The following BAG2 variants were observed in gnomAD, a reference collection of about 807,000 sequenced individuals.
BAG2 encodes BAG family molecular chaperone regulator 2.
A neutral mutation model predicts 16.4 loss-of-function variants in BAG2; 8 were observed. That is an observed-to-expected ratio of 0.49 (90% CI 0.29 to 0.88). The LOEUF is 0.88. Among genes scored for constraint, BAG2 ranks in the 40% least tolerant of loss-of-function variants. The pLI is 0.09. For synonymous variants in BAG2, 82 were observed against 89.2 expected, an observed-to-expected ratio of 0.92 and a Z score of 0.46; for missense variants, 218 against 248.9, an observed-to-expected ratio of 0.88 and a Z score of 0.84.
chr6:57,172,717 A>G lies in BAG2; in HGVS notation c.20A>G (p.Asn7Ser). The G allele has an allele frequency of 6.3e-7, 1 of 1,577,880 alleles. No individual in the cohort carries two copies. Among genetic ancestry groups the G allele is most frequent in the Non-Finnish European group, 8.6e-7 (1 of 1,164,910 alleles). MAQAKI[N>S]AKANEGRFCR... ...GCTTAGATGGCTCAGGCGAAGATCA[A>G]CGCTAAAGCCAACGAGGGGCGCTTC... The change falls in exon 1 of 3, where the codon AAC (asparagine) becomes AGC (serine). Residue 7 changes from asparagine to serine, a missense_variant. This residue lies in a region of BAG2 where 75 missense variants were observed against 63.1 expected (regional missense o/e 1.19). Transcript: ENST00000370693.
intron 2 of BAG2, among the ~76,000 whole-genome samples, chr6:57,182,786 G>C (rs960542380): frequency 6.6e-6 from 1 of 152,126 alleles, no homozygotes; most frequent in Non-Finnish European, 1.5e-5. Context: ...GAGTAGCTGG[G>C]ATTACAGGCA....
chr6:57,173,139 C>A, intron 1 of BAG2: 2 of 1,020,484 alleles, frequency 2.0e-6, no homozygotes, highest in Middle Eastern at 4.6e-4. Flanking sequence ...AGATTCCATG[C>A]GATTAAGGAC....
At position 57,186,859 on chromosome 6, in the gene BAG2, G is replaced by A. The variant is rs915934432; in HGVS notation, c.*2669G>A. 2 of 152,118 alleles carry A rather than the reference G, an allele frequency of 1.3e-5. No homozygotes were observed. Among genetic ancestry groups the A allele is most frequent in the African/African-American group, 4.8e-5 (2 of 41,406 alleles). The allele number at this position is 152,118 out of a possible 1,614,324, so 9.4% of individuals were successfully genotyped here. On this transcript the variant is annotated 3_prime_UTR_variant, in exon 3 of 3. Coordinates refer to ENST00000370693, the MANE Select transcript of BAG2 (RefSeq NM_004282.4). ...TTGTTAGCACTACTTTCAATAAAAT[G>A]AGAGTATTAAATATTGGCAGAGTAT...
At chr6:57,179,204 A>G (rs1764369481) in intron 1 of BAG2, among the ~76,000 whole-genome samples, 2 of 152,170 alleles carry the variant, frequency 1.3e-5, no homozygotes, top group South Asian at 4.1e-4. Flanking sequence ...TTGCTAATGT[A>G]AAATGTTTAA....
chr6:57,186,807 A>T lies in BAG2; in HGVS notation c.*2617A>T, dbSNP rs1176867909. ...TACCATTCCTAGCATATAATACATA[A>T]TTTTAGGGTAGCCCTCCTGCCATTC... is the stretch of plus-strand genomic sequence containing the variant. On this transcript the variant is annotated 3_prime_UTR_variant, in exon 3 of 3. Transcript: ENST00000370693. The T allele has an allele frequency of 2.0e-5, 3 of 152,154 alleles. No individual in the cohort carries two copies. The highest frequency in any genetic ancestry group is 4.8e-5 in the African/African-American group (2 of 41,424). The allele number at this position is 152,154 out of a possible 1,614,324, so 9.4% of individuals were successfully genotyped here.
intron 1 of BAG2, among the ~76,000 whole-genome samples, chr6:57,178,648 A>G (rs955012528): frequency 2.5e-4 from 38 of 152,196 alleles, no homozygotes; most frequent in Admixed American, 1.8e-3. Flanking sequence ...TTGAAGAATG[A>G]CATTTTACCC....
rs1472135710 is a variant in BAG2 at position 57,172,667 on chromosome 6, AC to A, written c.-29del. The A allele has an allele frequency of 6.8e-7, 1 of 1,468,534 alleles. No individual in the cohort carries two copies. Among genetic ancestry groups the A allele is most frequent in the Admixed American group, 2.4e-5 (1 of 42,246 alleles). The allele number at this position is 1,468,534 out of a possible 1,614,324, so 91.0% of individuals were successfully genotyped here. A position where few individuals can be genotyped will look rare whatever the true frequency, so the allele number is the denominator to read the frequency against. On this transcript the variant is annotated 5_prime_UTR_variant, in exon 1 of 3. Coordinates refer to ENST00000370693, the MANE Select transcript of BAG2 (RefSeq NM_004282.4). ...CTCGCTGCCGCCGGAGGGGCCGGTG[AC>A]CTCTTGGCTACCCCGCGTCGGAGGC...
At chr6:57,176,709 C>T (rs1764295432) in intron 1 of BAG2, among the ~76,000 whole-genome samples, 2 of 152,316 alleles carry the variant, frequency 1.3e-5, no homozygotes, top group South Asian at 4.1e-4. Flanking sequence ...ATTCGTCTGG[C>T]TTAAAGTTTC....
chr6:57,184,373 A>C lies in BAG2; in HGVS notation c.*183A>C, dbSNP rs746471644. 1.0e-5 allele frequency: 5 copies of C among 492,526 alleles called. No individual in the cohort carries two copies. The highest frequency in any genetic ancestry group is 1.3e-5 in the Non-Finnish European group (4 of 301,808). The allele number at this position is 492,526 out of a possible 1,614,324, so 30.5% of individuals were successfully genotyped here. A position where few individuals can be genotyped will look rare whatever the true frequency, so the allele number is the denominator to read the frequency against. ...TGAATAACAAAACTAGCAATATTTT[A>C]ATTATCTATCTAGAGATTTTTTAGA... is the stretch of plus-strand genomic sequence containing the variant. On this transcript the variant is annotated 3_prime_UTR_variant, in exon 3 of 3. Transcript: ENST00000370693.
chr6:57,173,394 G>C (rs1367038535), intron 1 of BAG2: 2 of 985,296 alleles, frequency 2.0e-6, no homozygotes, highest in African/African-American at 3.5e-5. Context: ...TCGTGCAGCA[G>C]AGACGTTGCC....
chr6:57,182,104 T>C lies in BAG2; in HGVS notation c.186T>C (p.Ser62=). ...AAATCCTTCTGGAAATGATCCACAG[T>C]ATCCAAAATAGCCAGGACATGAGGC... ...EKEILLEMIH[S]IQNSQDMRQI... Residue 62 remains serine, a synonymous_variant, in exon 2 of 3, where the codon AGT becomes AGC. Transcript: ENST00000370693. 1 of 1,614,130 alleles carries C rather than the reference T, an allele frequency of 6.2e-7. No homozygotes were observed. Among genetic ancestry groups the C allele is most frequent in the Admixed American group, 1.7e-5 (1 of 60,022 alleles).
Position 57,172,813 on chromosome 6 carries a change from G to A in BAG2, c.113+3G>A. 1 of 1,526,760 alleles carries A rather than the reference G, an allele frequency of 6.5e-7. No individual in the cohort carries two copies. Among genetic ancestry groups the A allele is most frequent in the Admixed American group, 2.0e-5 (1 of 49,462 alleles). The allele number at this position is 1,526,760 out of a possible 1,614,324, so 94.6% of individuals were successfully genotyped here. On this transcript the variant is annotated splice_donor_region_variant and intron_variant, in intron 1 of 2. Coordinates refer to ENST00000370693, the MANE Select transcript of BAG2 (RefSeq NM_004282.4). ...AGCCTGGACCAGCTGGAGCTCAGGT[G>A]AGCTCCGGGCGGGCGGTCTCGGGCG...
chr6:57,172,849 C>CGCGCGGGCGGT (rs1454260518), intron 1 of BAG2, 39 bp downstream of exon 1: 4 of 1,418,544 alleles, frequency 2.8e-6, no homozygotes, highest in Admixed American at 3.0e-5. Flanking sequence ...TTCTGCTCGC[C>CGCGCGGGCGGT]GCGCGGGCGG....
chr6:57,172,615 G>T lies in BAG2; in HGVS notation c.-83G>T. 1 of 1,194,688 alleles carries T rather than the reference G, an allele frequency of 8.4e-7. No homozygotes were observed. Among genetic ancestry groups the T allele is most frequent in the South Asian group, 2.1e-5 (1 of 48,190 alleles). 74.0% of individuals were successfully genotyped at this position (1,194,688 alleles called of 1,614,324 possible). On this transcript the variant is annotated 5_prime_UTR_variant, in exon 1 of 3. Transcript: ENST00000370693. ...GGGCGGGCGCCCGCGTGGTGACGGC[G>T]ACGCCTGCAGCCCAAGGAGCGCTCC...
chr6:57,173,251 T>C (rs773485183), intron 1 of BAG2: 2 of 986,190 alleles, frequency 2.0e-6, no homozygotes, highest in Non-Finnish European at 2.4e-6. Flanking sequence ...GGCAGCAGTT[T>C]ACAGTGGCCC....
intron 1 of BAG2, among the ~76,000 whole-genome samples, chr6:57,175,687 A>G (rs1764262440): frequency 6.6e-6 from 1 of 152,224 alleles, no homozygotes; most frequent in Non-Finnish European, 1.5e-5. Flanking sequence ...GAACCCAAAA[A>G]GGACAGGGTT....
At chr6:57,174,361 A>G (rs1388667036) in intron 1 of BAG2, 1 of 1,304,236 alleles carries the variant, frequency 7.7e-7, no homozygotes, top group East Asian at 5.5e-5. Context: ...AAGCTGAGTC[A>G]TTGTCCTCCA....
At chr6:57,183,689 C>A in intron 2 of BAG2, 89 bp from the exon 3 acceptor site, 1 of 1,213,290 alleles carries the variant, frequency 8.2e-7, no homozygotes, top group Non-Finnish European at 1.1e-6. Flanking sequence ...AATTTCATGG[C>A]AGAGGTAAAG....
Position 57,185,574 on chromosome 6 carries a change from A to G in BAG2, c.*1384A>G, listed in dbSNP as rs1764596745. On this transcript the variant is annotated 3_prime_UTR_variant, in exon 3 of 3. Coordinates refer to ENST00000370693, the MANE Select transcript of BAG2 (RefSeq NM_004282.4). ...TAAAAAGCAGTTACAATCTGAAGAC[A>G]TTCATGTTACTTCCTTTGCCAGCTC... is the stretch of plus-strand genomic sequence containing the variant. 6.6e-6 allele frequency: 1 copy of G among 152,238 alleles called. No homozygotes were observed. Among genetic ancestry groups the G allele is most frequent in the Non-Finnish European group, 1.5e-5 (1 of 68,032 alleles). 9.4% of individuals were successfully genotyped at this position (152,238 alleles called of 1,614,324 possible).
Sources: allele counts gnomAD v4.1 joint callset (sites outside exome capture counted in the v4.1 genomes callset), GRCh38; gene constraint gnomAD v4.1.1; regional missense constraint gnomAD v4.1.1; transcripts MANE v1.5; gene names NCBI Gene and HGNC (gene_info 2026-07-23, HGNC 2026-07-21).